The following TMED3 variants were observed in gnomAD, a reference collection of about 807,000 sequenced individuals.
The protein encoded by TMED3 is transmembrane p24 trafficking protein 3, also known as transmembrane emp24 domain-containing protein 3.
Under a neutral mutation model 15.0 loss-of-function variants are expected in TMED3, and 9 were observed. The ratio of observed to expected loss-of-function variants is 0.60; its 90% confidence interval spans 0.36 to 1.04. The LOEUF (loss-of-function observed/expected upper bound fraction) is 1.04. Ranked by LOEUF, TMED3 falls within the 50% of genes least tolerant of loss-of-function variation. TMED3 has a pLI of 0.01. For synonymous variants in TMED3, 117 were observed against 121.4 expected (o/e 0.96, Z 0.24); for missense variants, 267 against 278.9 (o/e 0.96, Z 0.30).
intron 2 of TMED3, among the ~76,000 whole-genome samples, chr15:79,367,560 CG>C (rs1893259154): frequency 6.6e-6 from 1 of 152,040 alleles, no homozygotes; most frequent in South Asian, 2.1e-4. Flanking sequence ...GTTCCCAGAG[CG>C]TGCAAGCTCC....
At chr15:79,324,026 T>G, downstream of TMED3, among the ~76,000 whole-genome samples, 1 of 152,226 alleles carries the variant, frequency 6.6e-6, no homozygotes. Flanking sequence ...AGTCTCACTC[T>G]GTCGCCCAGG....
intron 2 of TMED3, among the ~76,000 whole-genome samples, chr15:79,397,857 C>T (rs1893781368): frequency 6.6e-6 from 1 of 152,128 alleles, no homozygotes; most frequent in Non-Finnish European, 1.5e-5. Flanking sequence ...AGGTTCATGG[C>T]AAAATTGAAT....
chr15:79,410,420 T>C (rs562091766), intron 2 of TMED3, among the ~76,000 whole-genome samples: 7 of 152,242 alleles, frequency 4.6e-5, no homozygotes, highest in East Asian at 3.9e-4. Context: ...ATCTTCCTAA[T>C]TGGGGAGAGC....
chr15:79,311,274 G>T lies in TMED3; in HGVS notation c.25G>T (p.Ala9Ser), dbSNP rs1392687238. 6.2e-7 allele frequency: 1 copy of T among 1,604,534 alleles called. No homozygotes were observed. The highest frequency in any genetic ancestry group is 8.5e-7 in the Non-Finnish European group (1 of 1,177,030). Residue 9 changes from alanine (A) to serine (S), a missense_variant, in exon 1 of 3, where the codon GCC (alanine) becomes TCC (serine). By Grantham distance (99) the Ala-to-Ser change is moderately conservative (BLOSUM62 1). Around this residue, in one of 3 missense-constraint regions of TMED3, gnomAD observed 59 missense variants for 47.0 expected, o/e 1.26. Coordinates refer to ENST00000299705, the MANE Select transcript of TMED3 (RefSeq NM_007364.4). MGSTVPRS[A>S]SVLLLLLLLR... is the part of the protein sequence containing the mutation. ...CATGGGCAGCACTGTCCCGCGCTCC[G>T]CCTCCGTGCTGCTTCTGCTGCTGCT... is the stretch of plus-strand genomic sequence containing the variant.
chr15:79,353,372 T>C (rs1470155996), intron 2 of TMED3, among the ~76,000 whole-genome samples: 1 of 119,786 alleles, frequency 8.3e-6, no homozygotes, highest in African/African-American at 3.2e-5. Context: ...AAAATATATA[T>C]AATATATATA....
chr15:79,351,516 GA>G (rs1240028618), intron 2 of TMED3, among the ~76,000 whole-genome samples: 2 of 152,168 alleles, frequency 1.3e-5, no homozygotes, highest in East Asian at 1.9e-4. Flanking sequence ...AATAAAACGG[GA>G]AAACTGATTT....
At chr15:79,359,877 G>A (rs1346459029) in intron 2 of TMED3, among the ~76,000 whole-genome samples, 1 of 152,052 alleles carries the variant, frequency 6.6e-6, no homozygotes, top group Non-Finnish European at 1.5e-5. Context: ...CTGCCCGTGG[G>A]TCTACACAGA....
At chr15:79,397,427 C>A (rs572089096) in intron 2 of TMED3, among the ~76,000 whole-genome samples, 7 of 152,180 alleles carry the variant, frequency 4.6e-5, no homozygotes, top group Non-Finnish European at 7.4e-5. Context: ...ATCTGAAGAG[C>A]CTCTTTCCCT....
chr15:79,311,129 G>T lies in TMED3; in HGVS notation c.-121G>T, dbSNP rs1211922526. 20 of 1,156,596 alleles carry T rather than the reference G, an allele frequency of 1.7e-5. No individual in the cohort carries two copies. Among genetic ancestry groups the T allele is most frequent in the Non-Finnish European group, 2.3e-5 (20 of 861,504 alleles). The allele number at this position is 1,156,596 out of a possible 1,614,324, so 71.6% of individuals were successfully genotyped here. ...CCGCCGGCCCTCCCGGAAGCGCAGA[G>T]CTCCGCTGGTGCCACGTCTATCCCC... On this transcript the variant is annotated 5_prime_UTR_variant, in exon 1 of 3. Coordinates refer to ENST00000299705, the MANE Select transcript of TMED3 (RefSeq NM_007364.4).
downstream of TMED3, among the ~76,000 whole-genome samples, chr15:79,325,122 C>T (rs1386515300): frequency 1.3e-5 from 2 of 152,162 alleles, no homozygotes; most frequent in African/African-American, 4.8e-5. Flanking sequence ...AGACATAGGA[C>T]CTCTGACTCT....
At chr15:79,313,632 C>A in intron 1 of TMED3, 125 bp from the exon 2 acceptor site, 2 of 1,316,120 alleles carry the variant, frequency 1.5e-6, no homozygotes, top group Non-Finnish European at 1.0e-6. Context: ...GGCGTAGCAC[C>A]TGCCTTAGAA....
chr15:79,344,049 G>A (rs915476327), intron 2 of TMED3, among the ~76,000 whole-genome samples: 2 of 152,062 alleles, frequency 1.3e-5, no homozygotes, highest in African/African-American at 4.8e-5. Flanking sequence ...AAAAACACTC[G>A]GCCTACGTAG....
intron 2 of TMED3, among the ~76,000 whole-genome samples, chr15:79,350,696 A>G (rs1337208202): frequency 1.3e-5 from 2 of 152,144 alleles, no homozygotes; most frequent in East Asian, 3.8e-4. Context: ...ACCCTCACAG[A>G]CACACCCAGG....
intron 2 of TMED3, among the ~76,000 whole-genome samples, chr15:79,359,211 A>G (rs1338555497): frequency 6.8e-6 from 1 of 148,036 alleles, no homozygotes; most frequent in Non-Finnish European, 1.5e-5. Flanking sequence ...GGTACAGTTT[A>G]TTTGAAGGAG....
At chr15:79,364,823 A>G (rs1595901295) in intron 2 of TMED3, among the ~76,000 whole-genome samples, 1 of 151,702 alleles carries the variant, frequency 6.6e-6, no homozygotes, top group South Asian at 2.1e-4. Context: ...TCTGAGAGCC[A>G]CCTCCACCAC....
intron 2 of TMED3, among the ~76,000 whole-genome samples, chr15:79,386,793 C>T (rs558386787): frequency 3.3e-5 from 5 of 151,098 alleles, no homozygotes; most frequent in South Asian, 2.1e-4. Flanking sequence ...ATGATCCACC[C>T]GTCTCAGCCT....
chr15:79,374,056 C>T (rs1893387443), intron 2 of TMED3, among the ~76,000 whole-genome samples: 1 of 152,182 alleles, frequency 6.6e-6, no homozygotes. Context: ...AGTTAAATCT[C>T]TCCTGGATCA....
chr15:79,328,738 A>G (rs1027630094), intron 2 of TMED3, among the ~76,000 whole-genome samples: 6 of 152,104 alleles, frequency 3.9e-5, no homozygotes, highest in Admixed American at 1.3e-4. Context: ...CATCTGAGGA[A>G]CTCTCTCACA....
At chr15:79,337,931 A>G (rs959674579) in intron 2 of TMED3, among the ~76,000 whole-genome samples, 1 of 152,264 alleles carries the variant, frequency 6.6e-6, no homozygotes, top group Admixed American at 6.5e-5. Context: ...AAAACGTTGC[A>G]TGCTTGTATA....
Sources: gnomAD v4.1 joint callset for allele counts (sites outside exome capture counted in the v4.1 genomes callset) on GRCh38, gnomAD v4.1.1 for gene constraint, gnomAD v4.1.1 regional missense constraint, MANE v1.5 for transcripts, NCBI Gene and HGNC (gene_info 2026-07-23, HGNC 2026-07-21) for gene names.